FRMPD1: variants seen among roughly 807,000 people sequenced by gnomAD.
FRMPD1 encodes the protein FERM and PDZ domain containing 1, also known as FERM and PDZ domain-containing protein 1.
Under a neutral mutation model 117.8 loss-of-function variants are expected in FRMPD1, and 76 were observed. That is an observed-to-expected ratio of 0.65 (90% CI 0.54 to 0.78). The LOEUF is 0.78. Among genes scored for constraint, FRMPD1 ranks in the 30% least tolerant of loss-of-function variants. The probability of loss-of-function intolerance (pLI) is 0.00; values close to 1 mark genes in which losing one functional copy is unlikely to be tolerated. For missense variants in FRMPD1, 1,786 were observed against 1,964.5 expected (o/e 0.91, Z 1.72); for synonymous variants, 783 against 770.4 (o/e 1.02, Z -0.27).
the FRMPD1 span, among the ~76,000 whole-genome samples, chr9:37,612,515 ATTTTTTT>A: frequency 8.7e-5 from 8 of 92,076 alleles, no homozygotes; most frequent in Admixed American, 2.4e-4. Context: ...TGCCCAGCTA[ATTTTTTT>A]TTTTTTTTTT....
At chr9:37,641,799 T>G in the FRMPD1 span, among the ~76,000 whole-genome samples, 1 of 152,202 alleles carries the variant, frequency 6.6e-6, no homozygotes, top group African/African-American at 2.4e-5. Context: ...TCCAGGCTAG[T>G]CTAGTGCCTC....
intron 5 of FRMPD1, among the ~76,000 whole-genome samples, chr9:37,713,627 T>G (rs541944104): frequency 3.3e-5 from 5 of 152,034 alleles, no homozygotes; most frequent in East Asian, 3.9e-4. Context: ...ACCATATATA[T>G]AGAGAGACCT....
the FRMPD1 span, among the ~76,000 whole-genome samples, chr9:37,634,377 G>A: frequency 9.4e-4 from 143 of 152,100 alleles, no homozygotes; most frequent in Non-Finnish European, 1.7e-3. Flanking sequence ...TTTCTCTAGC[G>A]TGTTTTTCTC....
intron 1 of FRMPD1, among the ~76,000 whole-genome samples, chr9:37,677,027 G>A (rs1241927242): frequency 6.6e-6 from 1 of 152,192 alleles, no homozygotes; most frequent in East Asian, 1.9e-4. Flanking sequence ...TTTACTTTTG[G>A]ACCAAATCCC....
At position 37,711,411 on chromosome 9, in the gene FRMPD1, T is replaced by C. The variant is rs1304143507; in HGVS notation, c.408+16T>C. On this transcript the variant is annotated intron_variant, in intron 5 of 15. Transcript: ENST00000377765. The stretch of plus-strand genomic sequence containing the variant: ...CTGCACGTCGGTAAATCTCTTTCTA[T>C]GTCCTGTGTGTTAGTTTCACCATTC... 8 of 1,576,516 alleles carry C rather than the reference T, an allele frequency of 5.1e-6. No homozygotes were observed. Among genetic ancestry groups the C allele is most frequent in the Non-Finnish European group, 7.0e-6 (8 of 1,145,664 alleles).
intron 2 of FRMPD1, among the ~76,000 whole-genome samples, chr9:37,703,689 C>T (rs1226606401): frequency 6.6e-6 from 1 of 152,136 alleles, no homozygotes; most frequent in East Asian, 1.9e-4. Context: ...GACTCCCAAA[C>T]CTCCCAAACC....
At chr9:37,661,400 T>A (rs568629985) in intron 1 of FRMPD1, among the ~76,000 whole-genome samples, 1 of 152,342 alleles carries the variant, frequency 6.6e-6, no homozygotes, top group Admixed American at 6.5e-5. Flanking sequence ...GAGGATATAA[T>A]GACCCCTGTT....
chr9:37,605,249 C>A, the FRMPD1 span, among the ~76,000 whole-genome samples: 1 of 152,224 alleles, frequency 6.6e-6, no homozygotes, highest in African/African-American at 2.4e-5. Flanking sequence ...AACCTGGTAC[C>A]TGGAGTCTGT....
chr9:37,736,291 G>A (rs576421570), intron 13 of FRMPD1, among the ~76,000 whole-genome samples: 54 of 151,676 alleles, frequency 3.6e-4, no homozygotes, highest in Middle Eastern at 6.8e-3. Context: ...GTGAGCCACC[G>A]CGCCCGGCCC....
intron 6 of FRMPD1, 118 bp from the exon 7 acceptor site, chr9:37,724,107 A>C: frequency 2.0e-6 from 1 of 499,118 alleles, no homozygotes; most frequent in Non-Finnish European, 3.6e-6. Flanking sequence ...CCTGGGAGTC[A>C]GAGGTTGAGT....
intron 1 of FRMPD1, among the ~76,000 whole-genome samples, chr9:37,680,362 A>C (rs187623517): frequency 6.6e-6 from 1 of 152,350 alleles, no homozygotes; most frequent in Admixed American, 6.5e-5. Flanking sequence ...TTTTCGTTTA[A>C]ATTGCTATAT....
intron 13 of FRMPD1, among the ~76,000 whole-genome samples, chr9:37,736,092 G>T (rs1336696754): frequency 1.3e-5 from 2 of 150,840 alleles, no homozygotes; most frequent in Non-Finnish European, 2.9e-5. Context: ...GCTCCGCCTC[G>T]TGGGTTCACA....
chr9:37,682,451 A>G (rs1473900422), intron 1 of FRMPD1, among the ~76,000 whole-genome samples: 1 of 152,228 alleles, frequency 6.6e-6, no homozygotes, highest in Non-Finnish European at 1.5e-5. Context: ...AAGATAATAC[A>G]ATTTTACAAT....
chr9:37,688,708 C>G (rs970068222), intron 1 of FRMPD1, among the ~76,000 whole-genome samples: 1 of 151,878 alleles, frequency 6.6e-6, no homozygotes, highest in African/African-American at 2.4e-5. Context: ...TACCATATAA[C>G]CATTTTAAAT....
intron 9 of FRMPD1, 117 bp from the exon 10 acceptor site, chr9:37,732,187 C>T: frequency 9.6e-7 from 1 of 1,041,844 alleles, no homozygotes; most frequent in Non-Finnish European, 1.4e-6. Context: ...CAGCCAAGAA[C>T]TGTCAGAGCC....
the FRMPD1 span, among the ~76,000 whole-genome samples, chr9:37,627,923 C>G: frequency 1.3e-5 from 2 of 152,168 alleles, no homozygotes; most frequent in Non-Finnish European, 2.9e-5. Context: ...TTAAATTCAA[C>G]TCAATTCAAC....
At position 37,707,409 on chromosome 9, in the gene FRMPD1, C is replaced by T. The variant is rs1188171271; in HGVS notation, c.102-7C>T. On this transcript the variant is annotated splice_region_variant and splice_polypyrimidine_tract_variant and intron_variant, in intron 2 of 15. Coordinates refer to ENST00000377765, the MANE Select transcript of FRMPD1 (RefSeq NM_014907.3). ...TTTCTCTTTTTTACATACTCCTTCT[C>T]TTCCAGGGCTAAAGTTGCTGCAGCT... The T allele has an allele frequency of 1.2e-6, 2 of 1,613,032 alleles. No individual in the cohort carries two copies. Among genetic ancestry groups the T allele is most frequent in the South Asian group, 1.1e-5 (1 of 90,822 alleles).
intron 10 of FRMPD1, among the ~76,000 whole-genome samples, chr9:37,732,894 C>T (rs1823952967): frequency 6.6e-6 from 1 of 152,326 alleles, no homozygotes; most frequent in Non-Finnish European, 1.5e-5. Flanking sequence ...CTCAGGTTTG[C>T]TAAGCCCCTC....
At chr9:37,691,245 A>G (rs1452361103) in intron 1 of FRMPD1, among the ~76,000 whole-genome samples, 1 of 152,174 alleles carries the variant, frequency 6.6e-6, no homozygotes, top group South Asian at 2.1e-4. Flanking sequence ...TAAGCCTCTT[A>G]TCTTCAGTAG....
Sources: allele counts gnomAD v4.1 joint callset (sites outside exome capture counted in the v4.1 genomes callset), GRCh38; gene constraint gnomAD v4.1.1; transcripts MANE v1.5; gene names NCBI Gene and HGNC (gene_info 2026-07-23, HGNC 2026-07-21).